Variants in PRKCE observed in about 807,000 individuals in gnomAD.
PRKCE encodes the protein protein kinase C epsilon type.
In PRKCE, 16 loss-of-function variants were observed where a neutral mutation model predicts 85.4. The ratio of observed to expected loss-of-function variants is 0.19; its 90% CI spans 0.13 to 0.28. PRKCE has a LOEUF of 0.28. PRKCE is among the 10% of genes least tolerant of loss of function. The pLI is 1.00. For missense variants in PRKCE, 573 were observed against 975.2 expected, an observed-to-expected ratio of 0.59 and a Z score of 5.49; for synonymous variants, 388 against 371.5, an observed-to-expected ratio of 1.04 and a Z score of -0.51.
intron 6 of PRKCE, among the ~76,000 whole-genome samples, chr2:45,997,446 A>G (rs1704310593): frequency 6.6e-6 from 1 of 152,096 alleles, no homozygotes; most frequent in Non-Finnish European, 1.5e-5. Flanking sequence ...TTTTCCTAAT[A>G]TATGCATTCA....
chr2:45,896,071 A>G (rs1356433933), intron 2 of PRKCE, among the ~76,000 whole-genome samples: 1 of 152,132 alleles, frequency 6.6e-6, no homozygotes, highest in Non-Finnish European at 1.5e-5. Flanking sequence ...TGCCCCTTTG[A>G]GGTGTAAGCA....
intron 1 of PRKCE, among the ~76,000 whole-genome samples, chr2:45,744,577 TC>T (rs1682982026): frequency 1.9e-5 from 1 of 52,046 alleles, no homozygotes; most frequent in Non-Finnish European, 5.8e-5. Flanking sequence ...TTCCTTCCTT[TC>T]TTTTTCTTTC....
chr2:46,154,801 T>C (rs553283644), intron 13 of PRKCE, among the ~76,000 whole-genome samples: 123 of 152,120 alleles, frequency 8.1e-4, no homozygotes, highest in African/African-American at 2.9e-3. Context: ...CCTGCTCAGT[T>C]GATACCTGAT....
chr2:45,672,321 T>TCCAC (rs1382211278), intron 1 of PRKCE, among the ~76,000 whole-genome samples: 1 of 151,690 alleles, frequency 6.6e-6, no homozygotes, highest in Non-Finnish European at 1.5e-5. Context: ...CATCCATCCA[T>TCCAC]CCACCCATCA....
intron 6 of PRKCE, among the ~76,000 whole-genome samples, chr2:45,985,309 A>G (rs1703225349): frequency 6.6e-6 from 1 of 152,162 alleles, no homozygotes; most frequent in South Asian, 2.1e-4. Flanking sequence ...CCACCCGCAA[A>G]CAGCGCACTC....
At chr2:46,078,293 C>T (rs1326474495) in intron 10 of PRKCE, 2 of 150,824 alleles carry the variant, frequency 1.3e-5, no homozygotes, top group African/African-American at 2.5e-5. Context: ...CTATAAGAGG[C>T]TGAGGCAGGA....
At chr2:45,727,498 A>C (rs2104516497) in intron 1 of PRKCE, among the ~76,000 whole-genome samples, 1 of 152,300 alleles carries the variant, frequency 6.6e-6, no homozygotes, top group East Asian at 1.9e-4. Context: ...AGGGCATTCC[A>C]GGTAGCTTAG....
intron 1 of PRKCE, among the ~76,000 whole-genome samples, chr2:45,681,763 A>G (rs1676924202): frequency 6.6e-6 from 1 of 152,182 alleles, no homozygotes. Context: ...CCAAACCCCA[A>G]GGACTGTGAG....
intron 1 of PRKCE, among the ~76,000 whole-genome samples, chr2:45,678,156 A>G (rs1007338938): frequency 6.6e-6 from 1 of 152,234 alleles, no homozygotes; most frequent in African/African-American, 2.4e-5. Flanking sequence ...ATATGTGAAT[A>G]CATATTGCAT....
chr2:45,883,598 A>G (rs1001728804), intron 2 of PRKCE, among the ~76,000 whole-genome samples: 5 of 152,202 alleles, frequency 3.3e-5, no homozygotes, highest in African/African-American at 4.8e-5. Context: ...GAGGCATTAA[A>G]TGTATACTAT....
intron 10 of PRKCE, among the ~76,000 whole-genome samples, chr2:46,080,504 A>G (rs148162590): frequency 3.9e-5 from 6 of 152,320 alleles, no homozygotes; most frequent in African/African-American, 7.2e-5. Flanking sequence ...GTTTCTAGCA[A>G]TCTGAACCAT....
At chr2:46,057,713 A>T (rs1343692433) in intron 10 of PRKCE, among the ~76,000 whole-genome samples, 1 of 151,966 alleles carries the variant, frequency 6.6e-6, no homozygotes, top group African/African-American at 2.4e-5. Context: ...TAATGTACTG[A>T]ATGTCTATAT....
chr2:46,106,143 A>T (rs771143384), intron 11 of PRKCE, among the ~76,000 whole-genome samples: 2 of 152,206 alleles, frequency 1.3e-5, no homozygotes, highest in African/African-American at 2.4e-5. Flanking sequence ...TATTGAAAAA[A>T]ATCCATGTAT....
chr2:45,667,068 T>G (rs1437787822), intron 1 of PRKCE, among the ~76,000 whole-genome samples: 1 of 152,118 alleles, frequency 6.6e-6, no homozygotes, highest in Non-Finnish European at 1.5e-5. Flanking sequence ...CCCAGCACTT[T>G]GGGAGGCCGG....
At chr2:46,107,230 A>G (rs1671812988) in intron 11 of PRKCE, among the ~76,000 whole-genome samples, 1 of 152,222 alleles carries the variant, frequency 6.6e-6, no homozygotes, top group Non-Finnish European at 1.5e-5. Flanking sequence ...GCAGAATGCC[A>G]TTTAATTGGA....
intron 2 of PRKCE, among the ~76,000 whole-genome samples, chr2:45,957,917 AT>A (rs11403708): frequency 2.6e-3 from 346 of 135,260 alleles, no homozygotes; most frequent in Admixed American, 2.5e-3. Flanking sequence ...CTGTGTCTCT[AT>A]TTTTTTTTTT....
At chr2:46,092,356 C>T (rs1670249362) in intron 11 of PRKCE, among the ~76,000 whole-genome samples, 1 of 152,206 alleles carries the variant, frequency 6.6e-6, no homozygotes. Context: ...CTTTTGATCT[C>T]TAATGAGCCC....
At position 46,111,591 on chromosome 2, in the gene PRKCE, A is replaced by G. The variant is rs146454349; in HGVS notation, c.1592+25229A>G. Among the ~76,000 whole-genome samples the G allele has an allele frequency of 8.9e-4, 136 of 152,280 alleles. 2 individuals carry two copies. Among genetic ancestry groups the G allele is most frequent in the African/African-American group, 3.2e-3 (132 of 41,552 alleles). On this transcript the variant is annotated intron_variant, in intron 11 of 14. Coordinates refer to ENST00000306156, the MANE Select transcript of PRKCE (RefSeq NM_005400.3). Reference sequence around the variant, plus strand: ...CATTTTGCACAAATGGGATCACACAATACATGGTTATTTGTTACTGGCTTC... The same window carrying G: ...CATTTTGCACAAATGGGATCACACAGTACATGGTTATTTGTTACTGGCTTC...
At chr2:45,960,626 A>G (rs983996508) in intron 2 of PRKCE, among the ~76,000 whole-genome samples, 13 of 152,144 alleles carry the variant, frequency 8.5e-5, no homozygotes, top group Non-Finnish European at 1.5e-4. Flanking sequence ...CCACCCACCA[A>G]TCACCTCCTG....
Sources: gnomAD v4.1 joint callset for allele counts (sites outside exome capture counted in the v4.1 genomes callset) on GRCh38, gnomAD v4.1.1 for gene constraint, MANE v1.5 for transcripts, NCBI Gene and HGNC (gene_info 2026-07-23, HGNC 2026-07-21) for gene names.